BBS9: variants seen among roughly 807,000 people sequenced by gnomAD.
BBS9 encodes Bardet-Biedl syndrome 9.
BBS9 carries 89 observed loss-of-function variants against 117.7 expected under a neutral mutation model. That is an observed-to-expected ratio of 0.76 (90% CI 0.64 to 0.90). The LOEUF (loss-of-function observed/expected upper bound fraction) is 0.90. Ranked by LOEUF, BBS9 falls within the 40% of genes least tolerant of loss-of-function variation. BBS9 has a pLI of 0.00. For missense variants in BBS9, 982 were observed against 1,042.2 expected (o/e 0.94, Z 0.80); for synonymous variants, 379 against 370.9 (o/e 1.02, Z -0.25).
intron 6 of BBS9, among the ~76,000 whole-genome samples, chr7:33,260,298 G>A (rs1009001323): frequency 3.3e-4 from 50 of 152,204 alleles, no homozygotes; most frequent in African/African-American, 1.1e-3. Flanking sequence ...CACCACGCCC[G>A]GCCTAGATAT....
At chr7:33,273,301 T>G in intron 8 of BBS9, 106 bp downstream of exon 8, 1 of 1,160,358 alleles carries the variant, frequency 8.6e-7, no homozygotes, top group Non-Finnish European at 1.3e-6. Flanking sequence ...ATGAAAACAG[T>G]TTAATATTGA....
intron 1 of BBS9, among the ~76,000 whole-genome samples, chr7:33,139,475 CA>C (rs1205158804): frequency 2.0e-5 from 3 of 150,474 alleles, no homozygotes; most frequent in Non-Finnish European, 4.4e-5. Context: ...TATTGACTCA[CA>C]GGTTTTTAAG....
Position 33,443,024 on chromosome 7 carries a change from G to A in BBS9, c.2115+54880G>A, listed in dbSNP as rs570696845. On this transcript the variant is annotated intron_variant, in intron 19 of 22. Coordinates refer to ENST00000242067, the MANE Select transcript of BBS9 (RefSeq NM_198428.3). The stretch of plus-strand genomic sequence containing the variant: ...GTTTTTATGACTGGCTTATGGAATC[G>A]GTCTCATTATTGTACTGTCACACCT... Among the ~76,000 whole-genome samples the A allele has an allele frequency of 2.6e-5, 4 of 152,182 alleles. 1 individual carries two copies. The highest frequency in any genetic ancestry group is 9.6e-5 in the African/African-American group (4 of 41,546).
chr7:33,518,101 T>A (rs1373933725), intron 20 of BBS9, among the ~76,000 whole-genome samples: 1 of 152,162 alleles, frequency 6.6e-6, no homozygotes, highest in African/African-American at 2.4e-5. Flanking sequence ...CTGTCATGAA[T>A]AACTTTTATT....
chr7:33,180,949 G>A (rs1798014377), intron 5 of BBS9, among the ~76,000 whole-genome samples: 1 of 152,158 alleles, frequency 6.6e-6, no homozygotes, highest in Admixed American at 6.5e-5. Context: ...TCATAAAGGC[G>A]ACAAAGTATT....
chr7:33,425,848 T>A (rs1233677603), intron 19 of BBS9, among the ~76,000 whole-genome samples: 1 of 152,198 alleles, frequency 6.6e-6, no homozygotes, highest in African/African-American at 2.4e-5. Flanking sequence ...TGCTCACTTA[T>A]GAGATCCAGC....
chr7:33,373,294 G>A lies in BBS9; in HGVS notation c.1789+5432G>A, dbSNP rs180800782. ...ATTTAGCTTTTCATCAAAATAATTCGATGATAGAAGACAACGCAGAAGTTT... is the reference window on the plus strand; with the variant it reads ...ATTTAGCTTTTCATCAAAATAATTCAATGATAGAAGACAACGCAGAAGTTT... On this transcript the variant is annotated intron_variant, in intron 17 of 22. Coordinates refer to ENST00000242067, the MANE Select transcript of BBS9 (RefSeq NM_198428.3). Among the ~76,000 whole-genome samples, 396 of 152,190 alleles carry A rather than the reference G, an allele frequency of 2.6e-3. 3 individuals are homozygous for A. Among genetic ancestry groups the A allele is most frequent in the African/African-American group, 8.5e-3 (353 of 41,570 alleles).
At chr7:33,215,630 CAGACACACAG>C (rs754989232) in intron 5 of BBS9, among the ~76,000 whole-genome samples, 13 of 152,104 alleles carry the variant, frequency 8.5e-5, no homozygotes, top group Non-Finnish European at 1.9e-4. Context: ...TAGACACACA[CAGACACACAG>C]AGACACACAC....
chr7:33,570,032 T>C (rs1029117169), intron 21 of BBS9, among the ~76,000 whole-genome samples: 9 of 152,232 alleles, frequency 5.9e-5, no homozygotes, highest in African/African-American at 2.2e-4. Flanking sequence ...CTTTTCTTAC[T>C]TTCTGTATTG....
At chr7:33,508,262 C>T (rs1228500709) in intron 20 of BBS9, among the ~76,000 whole-genome samples, 1 of 152,088 alleles carries the variant, frequency 6.6e-6, no homozygotes, top group Non-Finnish European at 1.5e-5. Flanking sequence ...TTTTTCTTTC[C>T]TTCTATGTTA....
At chr7:33,623,356 T>C (rs891438046) in intron 21 of BBS9, among the ~76,000 whole-genome samples, 4 of 151,812 alleles carry the variant, frequency 2.6e-5, no homozygotes, top group Admixed American at 2.0e-4. Context: ...ATCTACCAGA[T>C]AGGAGAAAAA....
chr7:33,316,164 A>G (rs1201740166), intron 9 of BBS9, among the ~76,000 whole-genome samples: 1 of 152,136 alleles, frequency 6.6e-6, no homozygotes, highest in Non-Finnish European at 1.5e-5. Flanking sequence ...CTTTTTCACA[A>G]TAGGTTTAAG....
At chr7:33,346,515 C>T (rs1817625293) in intron 12 of BBS9, 1 of 175,686 alleles carries the variant, frequency 5.7e-6, no homozygotes, top group Non-Finnish European at 1.2e-5. Flanking sequence ...ATATTTTCTC[C>T]TTAATATTCT....
chr7:33,522,011 C>G (rs1165862922), intron 20 of BBS9, among the ~76,000 whole-genome samples: 3 of 150,360 alleles, frequency 2.0e-5, no homozygotes, highest in African/African-American at 4.9e-5. Context: ...GTTTTTTGTT[C>G]TCGCGATAGT....
chr7:33,504,377 G>A (rs145368330), intron 19 of BBS9, among the ~76,000 whole-genome samples: 1 of 152,196 alleles, frequency 6.6e-6, no homozygotes, highest in African/African-American at 2.4e-5. Context: ...TTTCTGTACA[G>A]CCCCTCTCCC....
intron 21 of BBS9, among the ~76,000 whole-genome samples, chr7:33,538,718 A>C (rs1280080418): frequency 6.6e-6 from 1 of 152,106 alleles, no homozygotes; most frequent in Non-Finnish European, 1.5e-5. Flanking sequence ...AAATATACAA[A>C]AATGGCTTCT....
intron 5 of BBS9, among the ~76,000 whole-genome samples, chr7:33,218,613 G>T (rs988694876): frequency 1.3e-5 from 2 of 152,204 alleles, no homozygotes; most frequent in Non-Finnish European, 2.9e-5. Context: ...TTTACCACGG[G>T]CTTCTTCTGT....
At chr7:33,291,131 T>C (rs1404633141) in intron 9 of BBS9, among the ~76,000 whole-genome samples, 1 of 152,168 alleles carries the variant, frequency 6.6e-6, no homozygotes, top group African/African-American at 2.4e-5. Context: ...TTTGTTTCTG[T>C]TTTGATATTT....
chr7:33,227,240 C>T (rs1217755249), intron 5 of BBS9, among the ~76,000 whole-genome samples: 1 of 151,812 alleles, frequency 6.6e-6, no homozygotes, highest in African/African-American at 2.4e-5. Flanking sequence ...CTCCGCCTTC[C>T]AGGTTCAAGT....
Sources: gnomAD v4.1 joint callset for allele counts (sites outside exome capture counted in the v4.1 genomes callset) on GRCh38, gnomAD v4.1.1 for gene constraint, MANE v1.5 for transcripts, NCBI Gene and HGNC (gene_info 2026-07-23, HGNC 2026-07-21) for gene names.